ATG10: variants seen among roughly 807,000 people sequenced by gnomAD.
ATG10 encodes autophagy related 10.
Under a neutral mutation model 32.1 loss-of-function variants are expected in ATG10, and 30 were observed. The observed-to-expected ratio is 0.94, with a 90% CI of 0.70 to 1.27. ATG10 has a LOEUF of 1.27. Ranked by LOEUF, ATG10 falls within the 50% of genes most tolerant of loss-of-function variation. The pLI is 0.00. For missense variants in ATG10, 233 were observed against 262.3 expected (o/e 0.89, Z 0.77); for synonymous variants, 87 against 91.5 (o/e 0.95, Z 0.28).
intron 3 of ATG10, among the ~76,000 whole-genome samples, chr5:82,151,203 T>C (rs1767580632): frequency 6.6e-6 from 1 of 152,230 alleles, no homozygotes; most frequent in Admixed American, 6.5e-5. Flanking sequence ...TATTTAACTT[T>C]TTGAAAATTT....
intron 5 of ATG10, among the ~76,000 whole-genome samples, chr5:82,244,033 C>T (rs530209886): frequency 2.6e-5 from 4 of 152,030 alleles, no homozygotes; most frequent in Non-Finnish European, 5.9e-5. Context: ...GTAGGGCCAA[C>T]AATTAAATAT....
intron 5 of ATG10, among the ~76,000 whole-genome samples, chr5:82,227,170 A>T (rs1746165145): frequency 2.6e-5 from 4 of 151,816 alleles, no homozygotes; most frequent in Admixed American, 1.3e-4. Context: ...TTGAGAAGGC[A>T]CCTGTGGTTG....
rs567242074 is a variant in ATG10, at chr5:82,170,621, C to G, written c.355+6084C>G. On this transcript the variant is annotated intron_variant, in intron 4 of 7. Transcript: ENST00000282185. ...AGTATTAATCTCAAGAGTTTGGGAT[C>G]AAAACCTCAGAATACTTTGGATAGG... Among the ~76,000 whole-genome samples the G allele has an allele frequency of 2.6e-5, 4 of 152,188 alleles. No homozygotes were observed. The South Asian group carries it at 8.3e-4, about 32-fold the overall frequency.
intron 1 of ATG10, among the ~76,000 whole-genome samples, chr5:81,983,372 C>T (rs1321827377): frequency 2.0e-5 from 3 of 147,636 alleles, no homozygotes; most frequent in Non-Finnish European, 3.0e-5. Context: ...GGCAGAGGTG[C>T]CCCTCACCTC....
intron 3 of ATG10, among the ~76,000 whole-genome samples, chr5:82,060,630 G>A (rs114074552): frequency 0.026 from 4,010 of 152,238 alleles, 78 homozygotes; most frequent in Middle Eastern, 0.044. Context: ...TTGAAAGGCC[G>A]AGGCAGGCGG....
chr5:82,029,694 T>G (rs1034459384), intron 2 of ATG10, among the ~76,000 whole-genome samples: 1 of 152,206 alleles, frequency 6.6e-6, no homozygotes, highest in Admixed American at 6.5e-5. Flanking sequence ...TTCAGATGGC[T>G]TCTGAATTAT....
intron 2 of ATG10, among the ~76,000 whole-genome samples, chr5:81,996,261 A>G (rs1204386172): frequency 6.6e-6 from 1 of 152,176 alleles, no homozygotes; most frequent in African/African-American, 2.4e-5. Context: ...TAATGGTGCT[A>G]AGGTCAGTGC....
At chr5:82,106,083 A>T (rs780702245) in intron 3 of ATG10, among the ~76,000 whole-genome samples, 3 of 152,112 alleles carry the variant, frequency 2.0e-5, no homozygotes, top group Admixed American at 6.6e-5. Flanking sequence ...ATATTACAAG[A>T]CTTCATTTTT....
intron 2 of ATG10, among the ~76,000 whole-genome samples, chr5:82,005,009 C>T (rs894239568): frequency 6.6e-6 from 1 of 152,156 alleles, no homozygotes; most frequent in Non-Finnish European, 1.5e-5. Flanking sequence ...AACAAATCAA[C>T]TGTAAAAGGA....
chr5:82,135,374 T>G (rs1270133098), intron 3 of ATG10, among the ~76,000 whole-genome samples: 1 of 152,220 alleles, frequency 6.6e-6, no homozygotes, highest in Non-Finnish European at 1.5e-5. Flanking sequence ...GTGCTATAAA[T>G]TTTTCTCTAA....
chr5:82,118,387 C>CATATATATATATATATATATATAT (rs71605823), intron 3 of ATG10, among the ~76,000 whole-genome samples: 4,225 of 79,754 alleles, frequency 0.053, 390 homozygotes, highest in African/African-American at 0.079. Context: ...AATATATGTA[C>CATATATATATATATATATATATAT]ATATATATAT....
intron 3 of ATG10, among the ~76,000 whole-genome samples, chr5:82,064,672 C>T (rs1763885014): frequency 6.6e-6 from 1 of 151,944 alleles, no homozygotes; most frequent in African/African-American, 2.4e-5. Context: ...TTACTAGTTG[C>T]TTTATTATCT....
chr5:82,085,744 A>G (rs1018414674), intron 3 of ATG10, among the ~76,000 whole-genome samples: 3 of 152,158 alleles, frequency 2.0e-5, no homozygotes, highest in African/African-American at 7.2e-5. Context: ...GTTAGTAAAA[A>G]ATGGGTATTT....
At chr5:82,061,842 T>TC (rs1368215494) in intron 3 of ATG10, among the ~76,000 whole-genome samples, 3 of 145,468 alleles carry the variant, frequency 2.1e-5, no homozygotes, top group Non-Finnish European at 4.5e-5. Flanking sequence ...TTTTTTTTTT[T>TC]ACAGGCAGGG....
At chr5:81,986,686 A>G (rs1005893521) in intron 1 of ATG10, among the ~76,000 whole-genome samples, 8 of 152,250 alleles carry the variant, frequency 5.3e-5, no homozygotes, top group African/African-American at 1.4e-4. Context: ...TTTTAATTCA[A>G]TTGAACAAAG....
intron 5 of ATG10, among the ~76,000 whole-genome samples, chr5:82,211,900 C>G (rs1294880189): frequency 6.6e-6 from 1 of 152,228 alleles, no homozygotes; most frequent in African/African-American, 2.4e-5. Flanking sequence ...TAATCATTCT[C>G]TTTCAAACTC....
In ATG10 at chr5:82,170,672, G is replaced by A. The variant is rs571602253; in HGVS notation, c.355+6135G>A. Among the ~76,000 whole-genome samples the A allele has an allele frequency of 7.9e-4, 120 of 152,168 alleles. 1 individual carries two copies. Among genetic ancestry groups the A allele is most frequent in the African/African-American group, 2.5e-3 (104 of 41,516 alleles). On this transcript the variant is annotated intron_variant, in intron 4 of 7. Coordinates refer to ENST00000282185, the MANE Select transcript of ATG10 (RefSeq NM_031482.5). ...ATTGAAAATAGAGTGTTGGCAGGGC[G>A]CGGTGGCTCACACCTGTAATCCCAG...
intron 3 of ATG10, among the ~76,000 whole-genome samples, chr5:82,086,073 A>T (rs1219994141): frequency 6.6e-6 from 1 of 152,172 alleles, no homozygotes; most frequent in Non-Finnish European, 1.5e-5. Context: ...GGTCAATGAT[A>T]GATTCAGTAA....
chr5:81,982,851 C>T (rs1244965374), intron 1 of ATG10, among the ~76,000 whole-genome samples: 1 of 152,226 alleles, frequency 6.6e-6, no homozygotes, highest in Non-Finnish European at 1.5e-5. Flanking sequence ...GTGGACACAG[C>T]ACATGTTTCA....
Sources: gnomAD v4.1 joint callset for allele counts (sites outside exome capture counted in the v4.1 genomes callset) on GRCh38, gnomAD v4.1.1 for gene constraint, MANE v1.5 for transcripts, NCBI Gene and HGNC (gene_info 2026-07-23, HGNC 2026-07-21) for gene names.